Variants in RYR2 observed in about 807,000 individuals in gnomAD.
RYR2 encodes cardiac muscle ryanodine receptor-calcium release channel.
A neutral mutation model predicts 601.1 loss-of-function variants in RYR2; 227 were observed. That is an observed-to-expected ratio of 0.38 (90% CI 0.34 to 0.42). RYR2 has a LOEUF of 0.42. Ranked by LOEUF, RYR2 falls within the 10% of genes least tolerant of loss-of-function variation. RYR2 has a pLI of 1.00. For missense variants in RYR2, 4,646 were observed against 6,156.5 expected (o/e 0.75, Z 8.21); for synonymous variants, 2,223 against 2,175.1 (o/e 1.02, Z -0.61).
intron 24 of RYR2, among the ~76,000 whole-genome samples, chr1:237,520,384 G>A (rs555053111): frequency 6.6e-6 from 1 of 152,210 alleles, no homozygotes; most frequent in Admixed American, 6.5e-5. Flanking sequence ...TTTTGTTCCA[G>A]TTCTTACAGG....
At chr1:237,107,519 CAAAA>C (rs71561857) in intron 1 of RYR2, among the ~76,000 whole-genome samples, 4 of 38,900 alleles carry the variant, frequency 1.0e-4, no homozygotes, top group Admixed American at 5.3e-4. Flanking sequence ...GACTCCATCT[CAAAA>C]AAAAAAAAAA....
intron 2 of RYR2, among the ~76,000 whole-genome samples, chr1:237,301,104 C>A (rs1693303606): frequency 6.6e-6 from 1 of 152,016 alleles, no homozygotes; most frequent in South Asian, 2.1e-4. Context: ...AGTGCCCAGT[C>A]AAGTGCCAGG....
intron 5 of RYR2, among the ~76,000 whole-genome samples, chr1:237,364,699 T>C (rs1441399532): frequency 2.2e-5 from 3 of 135,748 alleles, no homozygotes; most frequent in South Asian, 2.1e-4. Context: ...TTGGGTCATA[T>C]TGTAACATTA....
chr1:237,695,002 C>A (rs956860126), intron 63 of RYR2, among the ~76,000 whole-genome samples: 1 of 152,148 alleles, frequency 6.6e-6, no homozygotes, highest in African/African-American at 2.4e-5. Flanking sequence ...AGTACAATGA[C>A]TGCTATCACT....
rs3766871 is a variant in RYR2, at chr1:237,614,784, G to A, written c.5656G>A (p.Gly1886Ser). ...QGAGEEEAKG[G>S]KRPKEGLLQM... ...AGCTGGTGAGGAAGAAGCCAAGGGG[G>A]GCAAGCGGCCCAAGGAAGGCCTGCT... is the stretch of plus-strand genomic sequence containing the variant. Residue 1886 changes from glycine (G) to serine (S), a missense_variant, in exon 37 of 105, where the codon GGC becomes AGC. By Grantham distance (56) the Gly-to-Ser change is moderately conservative. Coordinates refer to ENST00000366574, the MANE Select transcript of RYR2 (RefSeq NM_001035.3). This position sits in a 1 kb window ranked among gnomAD's most constrained non-coding sequence, Gnocchi z 4.3. 0.037 allele frequency: 60,237 copies of A among 1,609,148 alleles called. 1,711 individuals carry two copies. Among genetic ancestry groups the A allele is most frequent in the African/African-American group, 0.14 (10,740 of 74,802 alleles).
chr1:237,408,180 T>A (rs1321501473), intron 10 of RYR2, among the ~76,000 whole-genome samples: 2 of 152,182 alleles, frequency 1.3e-5, no homozygotes, highest in East Asian at 3.9e-4. Context: ...CCAGCAGTTT[T>A]ATAGTTCTCT....
intron 3 of RYR2, among the ~76,000 whole-genome samples, chr1:237,342,117 TAAAAG>T (rs1189919680): frequency 6.6e-6 from 1 of 151,728 alleles, no homozygotes; most frequent in South Asian, 2.1e-4. Context: ...TTTGAAGACT[TAAAAG>T]AAGTCTTCCT....
intron 16 of RYR2, among the ~76,000 whole-genome samples, chr1:237,468,255 T>C (rs1295736679): frequency 6.6e-6 from 1 of 152,234 alleles, no homozygotes; most frequent in Non-Finnish European, 1.5e-5. Context: ...TAAGCAATTA[T>C]ACTGTTTCTG....
At chr1:237,224,941 G>A (rs1474359693) in intron 1 of RYR2, among the ~76,000 whole-genome samples, 1 of 152,172 alleles carries the variant, frequency 6.6e-6, no homozygotes, top group African/African-American at 2.4e-5. Flanking sequence ...TACGAAATTT[G>A]CCCACAGTTT....
At chr1:237,218,895 C>G (rs534314733) in intron 1 of RYR2, among the ~76,000 whole-genome samples, 6 of 151,978 alleles carry the variant, frequency 3.9e-5, no homozygotes, top group Non-Finnish European at 8.8e-5. Flanking sequence ...ATGCTTATTT[C>G]CATTTCCAAA....
At chr1:237,568,883 A>G (rs1330894729) in intron 28 of RYR2, among the ~76,000 whole-genome samples, 1 of 152,192 alleles carries the variant, frequency 6.6e-6, no homozygotes, top group African/African-American at 2.4e-5. Context: ...TTTTAAAATA[A>G]TAAGCTCTCA....
intron 1 of RYR2, among the ~76,000 whole-genome samples, chr1:237,109,155 GT>G (rs1669128577): frequency 6.6e-6 from 1 of 151,374 alleles, no homozygotes; most frequent in Non-Finnish European, 1.5e-5. Flanking sequence ...ACATAAATGT[GT>G]ATATATAAAA....
At chr1:237,501,580 A>T (rs766426870) in intron 21 of RYR2, among the ~76,000 whole-genome samples, 6 of 152,160 alleles carry the variant, frequency 3.9e-5, no homozygotes, top group Non-Finnish European at 7.4e-5. Context: ...ACACACACAC[A>T]CCTGTACACT....
At chr1:237,539,395 A>G (rs546856411) in intron 25 of RYR2, among the ~76,000 whole-genome samples, 5 of 152,240 alleles carry the variant, frequency 3.3e-5, no homozygotes, top group Non-Finnish European at 7.3e-5. Context: ...GTATCATAGC[A>G]GAATAACCTT....
At chr1:237,696,526 C>A (rs1325387540) in intron 63 of RYR2, among the ~76,000 whole-genome samples, 1 of 144,242 alleles carries the variant, frequency 6.9e-6, no homozygotes, top group Non-Finnish European at 1.5e-5. Context: ...TAGATCTCTT[C>A]CCTGCACTGC....
chr1:237,641,470 T>TTTC (rs1681480032), intron 47 of RYR2, among the ~76,000 whole-genome samples: 1 of 25,488 alleles, frequency 3.9e-5, no homozygotes, highest in Admixed American at 4.6e-4. Flanking sequence ...AGTGTCTGTC[T>TTTC]GTCTTTCTTT....
At chr1:237,067,029 A>T (rs1663730856) in intron 1 of RYR2, among the ~76,000 whole-genome samples, 1 of 152,172 alleles carries the variant, frequency 6.6e-6, no homozygotes, top group South Asian at 2.1e-4. Context: ...AAAATTCTTT[A>T]TCAATTTTAG....
chr1:237,314,861 A>G (rs978140345), intron 2 of RYR2, among the ~76,000 whole-genome samples: 1 of 152,210 alleles, frequency 6.6e-6, no homozygotes, highest in African/African-American at 2.4e-5. Flanking sequence ...TTCTTGAACC[A>G]CTATTGCCAT....
At chr1:237,801,960 G>A in intron 98 of RYR2, 44 bp downstream of exon 98, 2 of 1,213,314 alleles carry the variant, frequency 1.6e-6, no homozygotes, top group African/African-American at 1.5e-5. Context: ...ACTCTGATTA[G>A]ATAAGACTGT....
Sources: allele counts gnomAD v4.1 joint callset (sites outside exome capture counted in the v4.1 genomes callset), GRCh38; gene constraint gnomAD v4.1.1; non-coding constraint Gnocchi (gnomAD v3.1); transcripts MANE v1.5; gene names NCBI Gene and HGNC (gene_info 2026-07-23, HGNC 2026-07-21).